CD226: variants seen among roughly 807,000 people sequenced by gnomAD.
CD226 encodes the protein CD226 antigen.
In CD226, 24 loss-of-function variants were observed where a neutral mutation model predicts 34.9. The ratio of observed to expected loss-of-function variants is 0.69; its 90% CI spans 0.50 to 0.97. CD226 has a LOEUF of 0.97. Among genes scored for constraint, CD226 ranks in the 50% least tolerant of loss-of-function variants. The probability of loss-of-function intolerance (pLI) is 0.00; values close to 1 mark genes in which losing one functional copy is unlikely to be tolerated. For synonymous variants in CD226, 148 were observed against 147.4 expected (o/e 1.00, Z -0.03); for missense variants, 397 against 412.7 (o/e 0.96, Z 0.33).
intron 2 of CD226, among the ~76,000 whole-genome samples, chr18:69,931,468 T>C (rs548371270): frequency 6.6e-6 from 1 of 151,228 alleles, no homozygotes; most frequent in African/African-American, 2.4e-5. Flanking sequence ...ACAACAGAGA[T>C]AGAACTACTT....
At chr18:69,922,480 T>G (rs962381631) in intron 2 of CD226, among the ~76,000 whole-genome samples, 4 of 152,148 alleles carry the variant, frequency 2.6e-5, no homozygotes, top group Admixed American at 6.5e-5. Context: ...ACAGTCTCAC[T>G]ATGTTACCCA....
chr18:69,914,866 C>CA (rs534098916), intron 2 of CD226, among the ~76,000 whole-genome samples: 2 of 152,120 alleles, frequency 1.3e-5, no homozygotes, highest in South Asian at 4.2e-4. Context: ...AGAAAACATC[C>CA]AAAAAAATAT....
chr18:69,870,002 C>A (rs1428303669), intron 4 of CD226, among the ~76,000 whole-genome samples: 1 of 151,352 alleles, frequency 6.6e-6, no homozygotes, highest in African/African-American at 2.4e-5. Flanking sequence ...TGGGGTTTCA[C>A]CATGTTGGTC....
chr18:69,879,196 G>A (rs1568163967), intron 3 of CD226, among the ~76,000 whole-genome samples: 1 of 152,154 alleles, frequency 6.6e-6, no homozygotes, highest in African/African-American at 2.4e-5. Context: ...GGAACACACT[G>A]TCACTGATAA....
chr18:69,876,833 T>C (rs1190944280), intron 3 of CD226, among the ~76,000 whole-genome samples: 1 of 147,368 alleles, frequency 6.8e-6, no homozygotes, highest in East Asian at 2.0e-4. Flanking sequence ...CAGACACCAA[T>C]TGCAAGTCCA....
chr18:69,957,934 A>G (rs285217), upstream of CD226, among the ~76,000 whole-genome samples: 3 of 152,176 alleles, frequency 2.0e-5, no homozygotes, highest in East Asian at 3.8e-4. Context: ...GTTATGTCTT[A>G]TAAGTCTTCT....
chr18:69,913,619 C>G (rs962566903), intron 2 of CD226, among the ~76,000 whole-genome samples: 2 of 152,088 alleles, frequency 1.3e-5, no homozygotes, highest in Non-Finnish European at 2.9e-5. Flanking sequence ...AGAGTAACAA[C>G]CTTTGTAAAT....
intron 2 of CD226, among the ~76,000 whole-genome samples, chr18:69,918,384 C>T (rs998423103): frequency 6.6e-6 from 1 of 152,104 alleles, no homozygotes; most frequent in Non-Finnish European, 1.5e-5. Context: ...GAAACCCCAT[C>T]ACTACTAAAA....
At chr18:69,931,329 AT>A (rs1324070128) in intron 2 of CD226, among the ~76,000 whole-genome samples, 8 of 152,086 alleles carry the variant, frequency 5.3e-5, no homozygotes, top group Non-Finnish European at 7.4e-5. Context: ...ACATGTATAC[AT>A]ATGTAACAAA....
At chr18:69,928,133 C>A (rs895817512) in intron 2 of CD226, among the ~76,000 whole-genome samples, 4 of 152,194 alleles carry the variant, frequency 2.6e-5, no homozygotes, top group Non-Finnish European at 4.4e-5. Flanking sequence ...ATATGATGAG[C>A]TATAAACCTT....
At chr18:69,913,538 T>C (rs1295438749) in intron 2 of CD226, among the ~76,000 whole-genome samples, 1 of 152,202 alleles carries the variant, frequency 6.6e-6, no homozygotes, top group Non-Finnish European at 1.5e-5. Flanking sequence ...TGTTTATGCA[T>C]TACATGTGAA....
intron 2 of CD226, among the ~76,000 whole-genome samples, chr18:69,902,400 A>G (rs528914232): frequency 6.6e-6 from 1 of 151,984 alleles, no homozygotes; most frequent in South Asian, 2.1e-4. Flanking sequence ...TTCTACCAAG[A>G]CTGCAAATGT....
At chr18:69,944,203 G>C (rs1290811100) in intron 2 of CD226, among the ~76,000 whole-genome samples, 3 of 152,078 alleles carry the variant, frequency 2.0e-5, no homozygotes, top group African/African-American at 7.2e-5. Flanking sequence ...GCCCTCACTA[G>C]CCCATTGCAT....
chr18:69,872,090 G>GTGTGTGTGT (rs57236296), intron 4 of CD226, among the ~76,000 whole-genome samples: 6 of 149,404 alleles, frequency 4.0e-5, no homozygotes, highest in South Asian at 2.1e-4. Context: ...GTGTGTGTGT[G>GTGTGTGTGT]GTGCATTTGG....
intron 2 of CD226, among the ~76,000 whole-genome samples, chr18:69,939,104 G>T (rs150325070): frequency 2.6e-5 from 4 of 152,220 alleles, no homozygotes; most frequent in African/African-American, 9.6e-5. Context: ...AAAAGAAAAA[G>T]AAATCAGTAG....
chr18:69,897,483 C>T (rs1362144607), intron 2 of CD226, among the ~76,000 whole-genome samples: 2 of 152,102 alleles, frequency 1.3e-5, no homozygotes, highest in Admixed American at 6.5e-5. Flanking sequence ...GAGGCCTGGG[C>T]AGTAATGATG....
At chr18:69,928,744 G>A (rs188248787) in intron 2 of CD226, among the ~76,000 whole-genome samples, 5 of 152,308 alleles carry the variant, frequency 3.3e-5, no homozygotes, top group Admixed American at 2.6e-4. Flanking sequence ...CATTCAAAGA[G>A]TTTTGGATTT....
intron 3 of CD226, among the ~76,000 whole-genome samples, chr18:69,882,337 C>T (rs985737061): frequency 6.6e-6 from 1 of 152,276 alleles, no homozygotes; most frequent in African/African-American, 2.4e-5. Context: ...GAAACATATA[C>T]CCTAAGATAG....
upstream of CD226, among the ~76,000 whole-genome samples, chr18:69,961,415 C>T (rs897015004): frequency 2.0e-5 from 3 of 152,190 alleles, no homozygotes; most frequent in Non-Finnish European, 4.4e-5. Context: ...TCATGAGGCA[C>T]TTATTGACGG....
Sources: gnomAD v4.1 joint callset for allele counts (sites outside exome capture counted in the v4.1 genomes callset) on GRCh38, gnomAD v4.1.1 for gene constraint, MANE v1.5 for transcripts, NCBI Gene and HGNC (gene_info 2026-07-23, HGNC 2026-07-21) for gene names.